Variants in CTIF observed in about 807,000 individuals in gnomAD.
The protein encoded by CTIF is CBP80/20-dependent translation initiation factor.
CTIF carries 21 observed loss-of-function variants against 66.0 expected under a neutral mutation model. The observed-to-expected ratio is 0.32, with a 90% confidence interval of 0.23 to 0.46. The LOEUF (loss-of-function observed/expected upper bound fraction) is 0.46. CTIF is among the 20% of genes least tolerant of loss of function. The pLI is 1.00. For synonymous variants in CTIF, 345 were observed against 326.4 expected (o/e 1.06, Z -0.62); for missense variants, 739 against 812.7 (o/e 0.91, Z 1.10).
At chr18:48,746,496 G>A (rs1225783770) in intron 7 of CTIF, among the ~76,000 whole-genome samples, 2 of 151,066 alleles carry the variant, frequency 1.3e-5, no homozygotes, top group Admixed American at 1.3e-4. Flanking sequence ...AGCAGATGCG[G>A]CACTATGATG....
chr18:48,764,982 G>T (rs1213756615), intron 9 of CTIF, among the ~76,000 whole-genome samples: 2 of 152,194 alleles, frequency 1.3e-5, no homozygotes, highest in Non-Finnish European at 2.9e-5. Flanking sequence ...AACCACATCT[G>T]GCTGAGCCTC....
intron 1 of CTIF, among the ~76,000 whole-genome samples, chr18:48,615,575 C>T (rs939899504): frequency 2.0e-5 from 3 of 152,188 alleles, no homozygotes; most frequent in Non-Finnish European, 2.9e-5. Context: ...CTGTGGGCCA[C>T]GGGGCTCACC....
intron 9 of CTIF, among the ~76,000 whole-genome samples, chr18:48,768,424 C>G (rs1474637039): frequency 6.6e-6 from 1 of 152,164 alleles, no homozygotes; most frequent in Non-Finnish European, 1.5e-5. Flanking sequence ...CTTTGAAACT[C>G]TTCTGAGCAC....
chr18:48,577,338 A>C lies in CTIF; in HGVS notation c.-29+38026A>C, dbSNP rs536227745. Reference sequence around the variant, plus strand: ...ATTTAATCCAGAGACGGTGTGTAGGATCCTGCTGCTGAGATGCGCCGTTCC... The same window carrying C: ...ATTTAATCCAGAGACGGTGTGTAGGCTCCTGCTGCTGAGATGCGCCGTTCC... On this transcript the variant is annotated intron_variant, in intron 1 of 11. Transcript: ENST00000256413. 2.6e-5 allele frequency among the ~76,000 whole-genome samples: 4 copies of C among 152,192 alleles called. No individual in the cohort carries two copies. In the East Asian group the frequency reaches 7.7e-4, roughly 29 times the overall value.
intron 9 of CTIF, among the ~76,000 whole-genome samples, chr18:48,807,580 G>GTTTTTTTT (rs36110913): frequency 2.9e-5 from 3 of 102,830 alleles, no homozygotes; most frequent in African/African-American, 3.6e-5. Context: ...TTGTTGTTGT[G>GTTTTTTTT]TTTTTTTTTT....
chr18:48,589,071 G>T (rs527516984), intron 1 of CTIF, among the ~76,000 whole-genome samples: 173 of 152,340 alleles, frequency 1.1e-3, no homozygotes, highest in Middle Eastern at 6.8e-3. Context: ...GCTCTGGGAA[G>T]GGGCAAATGC....
chr18:48,626,663 T>TTG (rs199670107), intron 2 of CTIF, among the ~76,000 whole-genome samples: 5,848 of 149,092 alleles, frequency 0.039, 367 homozygotes, highest in African/African-American at 0.12. Flanking sequence ...TTTGTTTTTT[T>TTG]TTTTTTTTTG....
intron 1 of CTIF, among the ~76,000 whole-genome samples, chr18:48,616,130 C>T (rs765164799): frequency 7.2e-5 from 11 of 152,212 alleles, no homozygotes; most frequent in East Asian, 3.9e-4. Flanking sequence ...GAAACGGCTC[C>T]GTGTAGAGTT....
chr18:48,618,986 G>T (rs997236900), intron 1 of CTIF, among the ~76,000 whole-genome samples: 1 of 152,222 alleles, frequency 6.6e-6, no homozygotes, highest in Non-Finnish European at 1.5e-5. Context: ...GCAAAATCCT[G>T]CTTATAAGTT....
At chr18:48,539,364 C>G (rs2088549185) in intron 1 of CTIF, 52 bp downstream of exon 1, 1 of 152,174 alleles carries the variant, frequency 6.6e-6, no homozygotes, top group African/African-American at 2.4e-5. Flanking sequence ...GCTTGCTGAT[C>G]GATTCGGGGA....
rs535564308 is a variant in CTIF, at chr18:48,653,632, G to A, written c.253-10120G>A. On this transcript the variant is annotated intron_variant, in intron 3 of 11. Transcript: ENST00000256413. The stretch of plus-strand genomic sequence containing the variant: ...CAGAATTGGAAAAAACTACTTTAAA[G>A]TTCATATGGAACCAAAAAAGAGCCC... 2.0e-4 allele frequency among the ~76,000 whole-genome samples: 31 copies of A among 152,248 alleles called. 1 individual carries two copies. Among genetic ancestry groups the A allele is most frequent in the African/African-American group, 6.5e-4 (27 of 41,534 alleles).
chr18:48,585,347 G>A (rs2089744582), intron 1 of CTIF, among the ~76,000 whole-genome samples: 1 of 152,248 alleles, frequency 6.6e-6, no homozygotes, highest in Non-Finnish European at 1.5e-5. Context: ...AGTGGGGAAA[G>A]TGGGCTTCTC....
chr18:48,550,866 G>A (rs1293701272), intron 1 of CTIF, among the ~76,000 whole-genome samples: 1 of 152,124 alleles, frequency 6.6e-6, no homozygotes, highest in Non-Finnish European at 1.5e-5. Context: ...AAAGGGACTT[G>A]TTCATTTGGT....
At chr18:48,701,104 T>C (rs769890713) in intron 6 of CTIF, among the ~76,000 whole-genome samples, 23 of 152,164 alleles carry the variant, frequency 1.5e-4, no homozygotes, top group Admixed American at 5.9e-4. Flanking sequence ...GTCTTATCTG[T>C]GCCATAGACA....
At chr18:48,542,524 T>C (rs1422208768) in intron 1 of CTIF, among the ~76,000 whole-genome samples, 1 of 152,218 alleles carries the variant, frequency 6.6e-6, no homozygotes, top group African/African-American at 2.4e-5. Flanking sequence ...AAAGAAAACT[T>C]AACAAATGTT....
chr18:48,670,938 G>A (rs1350136956), intron 6 of CTIF, among the ~76,000 whole-genome samples, 194 bp downstream of exon 6: 2 of 152,342 alleles, frequency 1.3e-5, no homozygotes, highest in Non-Finnish European at 2.9e-5. Flanking sequence ...TCGTGTGTGT[G>A]ACAGCCTACT....
chr18:48,540,352 C>T (rs1356923563), intron 1 of CTIF: 1 of 123,936 alleles, frequency 8.1e-6, no homozygotes, highest in Non-Finnish European at 1.6e-5. Context: ...CTGTCCCGGG[C>T]GCCGGTCATG....
At chr18:48,549,414 G>A (rs763537843) in intron 1 of CTIF, among the ~76,000 whole-genome samples, 22 of 152,152 alleles carry the variant, frequency 1.4e-4, no homozygotes, top group Non-Finnish European at 2.5e-4. Flanking sequence ...GTGTACTAAC[G>A]ATGGCTTTAA....
At chr18:48,608,659 T>G (rs2090251065) in intron 1 of CTIF, among the ~76,000 whole-genome samples, 1 of 152,330 alleles carries the variant, frequency 6.6e-6, no homozygotes, top group Middle Eastern at 3.4e-3. Context: ...CAGTTCTGCC[T>G]TGCAACCATA....
Sources: allele counts gnomAD v4.1 joint callset (sites outside exome capture counted in the v4.1 genomes callset), GRCh38; gene constraint gnomAD v4.1.1; transcripts MANE v1.5; gene names NCBI Gene and HGNC (gene_info 2026-07-23, HGNC 2026-07-21).